IGBP1: variants seen among roughly 807,000 people sequenced by gnomAD.
IGBP1 encodes the protein immunoglobulin binding protein 1, also known as immunoglobulin-binding protein 1.
In IGBP1, 2 loss-of-function variants were observed where a neutral mutation model predicts 25.9. The ratio of observed to expected loss-of-function variants is 0.08; its 90% confidence interval spans 0.03 to 0.24. The LOEUF (loss-of-function observed/expected upper bound fraction) is 0.24. IGBP1 is among the 10% of genes least tolerant of loss of function. The pLI is 1.00. For synonymous variants in IGBP1, 96 were observed against 93.4 expected (o/e 1.03, Z -0.16); for missense variants, 187 against 260.4 (o/e 0.72, Z 1.94).
intron 6 of IGBP1, 57 bp downstream of exon 6, chrX:70,150,379 T>A: frequency 1.4e-6 from 1 of 730,281 alleles, no homozygotes; most frequent in Non-Finnish European, 2.2e-6. Flanking sequence ...CCCTGGCAAT[T>A]AAGTTCTTAC....
chrX:70,156,703 G>A (rs922241224), intron 6 of IGBP1, among the ~76,000 whole-genome samples: 3 of 112,114 alleles, frequency 2.7e-5, no homozygotes, highest in African/African-American at 9.7e-5. Context: ...ACTTTGGGAG[G>A]CCGAGGCGGG....
intron 6 of IGBP1, 60 bp from the exon 7 acceptor site, chrX:70,165,773 G>A: frequency 9.4e-7 from 1 of 1,063,894 alleles, no homozygotes; most frequent in Non-Finnish European, 1.3e-6. Context: ...TGAGGCCCCT[G>A]ACGTTACTTA....
intron 4 of IGBP1, among the ~76,000 whole-genome samples, chrX:70,148,318 G>A (rs775612673): frequency 2.7e-5 from 3 of 111,775 alleles, no homozygotes; most frequent in South Asian, 7.5e-4. Context: ...CTAAAGCACC[G>A]TAGAAGTTCT....
Position 70,166,059 on chromosome X carries a change from T to G in IGBP1, c.*78T>G. On this transcript the variant is annotated 3_prime_UTR_variant, in exon 7 of 7. Coordinates refer to ENST00000356413, the MANE Select transcript of IGBP1 (RefSeq NM_001551.3). ...AACCATGCAGTCCTCCCCTCCCTGG[T>G]CTCCTGCTTCAGCTCTGTACAACGA... The G allele has an allele frequency of 9.9e-7, 1 of 1,012,796 alleles. No individual in the cohort carries two copies. Among genetic ancestry groups the G allele is most frequent in the Non-Finnish European group, 1.4e-6 (1 of 725,642 alleles). The allele number at this position is 1,012,796 out of a possible 1,213,427, so 83.5% of individuals were successfully genotyped here.
At chrX:70,141,290 T>C (rs758178623) in intron 3 of IGBP1, among the ~76,000 whole-genome samples, 6 of 108,754 alleles carry the variant, frequency 5.5e-5, no homozygotes, top group African/African-American at 2.0e-4. Context: ...GAGGTTGCCA[T>C]GAGCCAAGAT....
intron 3 of IGBP1, among the ~76,000 whole-genome samples, chrX:70,142,428 C>G (rs182730098): frequency 9.0e-6 from 1 of 111,469 alleles, no homozygotes; most frequent in Non-Finnish European, 1.9e-5. Flanking sequence ...GAGTGAAAAA[C>G]TAGCTGCTAA....
intron 5 of IGBP1, among the ~76,000 whole-genome samples, chrX:70,149,195 T>C (rs766947269): frequency 3.9e-5 from 4 of 101,569 alleles, no homozygotes; most frequent in African/African-American, 7.4e-5. Context: ...GCCATTGCAC[T>C]CCAGCCTGGG....
At chrX:70,155,946 C>CT (rs2085237768) in intron 6 of IGBP1, among the ~76,000 whole-genome samples, 1 of 111,903 alleles carries the variant, frequency 8.9e-6, no homozygotes, top group Admixed American at 9.5e-5. Flanking sequence ...TTACAGGCTA[C>CT]TGTAGGGTTA....
At chrX:70,158,040 T>C (rs2085251361) in intron 6 of IGBP1, among the ~76,000 whole-genome samples, 1 of 112,361 alleles carries the variant, frequency 8.9e-6, no homozygotes, top group Admixed American at 9.5e-5. Flanking sequence ...CCAGCAGTTA[T>C]TGGCATCTGT....
Position 70,136,453 on chromosome X carries a change from G to A in IGBP1, c.482+1637G>A, listed in dbSNP as rs1287049095. Among the ~76,000 whole-genome samples the A allele has an allele frequency of 9.9e-5, 11 of 111,332 alleles. No individual in the cohort carries two copies. In the East Asian group the frequency reaches 1.4e-3, roughly 14 times the overall value. On this transcript the variant is annotated intron_variant, in intron 3 of 6. Coordinates refer to ENST00000356413, the MANE Select transcript of IGBP1 (RefSeq NM_001551.3). ...ATGTTCAATAAGGTGTATTAAATGC[G>A]TTTTCAACTTACCATATTTTCCATT...
chrX:70,158,480 T>A (rs900554734), intron 6 of IGBP1, among the ~76,000 whole-genome samples: 3 of 111,799 alleles, frequency 2.7e-5, no homozygotes, highest in African/African-American at 9.8e-5. Context: ...TGAACCATGC[T>A]TCTTTCTACA....
chrX:70,139,172 T>C (rs1175338129), intron 3 of IGBP1, among the ~76,000 whole-genome samples: 1 of 110,216 alleles, frequency 9.1e-6, no homozygotes, highest in African/African-American at 3.3e-5. Flanking sequence ...TAGCCAGGCA[T>C]GGTGGCGGGT....
At chrX:70,135,186 G>C (rs899895624) in intron 3 of IGBP1, among the ~76,000 whole-genome samples, 1 of 112,380 alleles carries the variant, frequency 8.9e-6, no homozygotes, top group Non-Finnish European at 1.9e-5. Context: ...GCTCTGTTCA[G>C]ACTACTGGAG....
intron 6 of IGBP1, among the ~76,000 whole-genome samples, chrX:70,156,287 T>TA (rs202174045): frequency 0.058 from 4,319 of 74,117 alleles, 142 homozygotes; most frequent in African/African-American, 0.098. Context: ...TTCAATTTGT[T>TA]AAAAAAAAAA....
chrX:70,151,053 C>T (rs751994405), intron 6 of IGBP1, among the ~76,000 whole-genome samples: 8 of 110,541 alleles, frequency 7.2e-5, no homozygotes, highest in Non-Finnish European at 1.3e-4. Flanking sequence ...CTATGCCTCC[C>T]GGGTTCAAGC....
intron 3 of IGBP1, among the ~76,000 whole-genome samples, chrX:70,135,501 G>A (rs1031869070): frequency 2.1e-4 from 23 of 111,478 alleles, no homozygotes; most frequent in African/African-American, 7.5e-4. Context: ...TACTATGAGA[G>A]CAGACAGGAA....
intron 3 of IGBP1, among the ~76,000 whole-genome samples, chrX:70,135,196 G>A (rs1028791844): frequency 3.6e-5 from 4 of 112,345 alleles, no homozygotes; most frequent in African/African-American, 9.7e-5. Context: ...GACTACTGGA[G>A]TAGATGTGTA....
rs181459346 is a variant in IGBP1 at position 70,135,279 on chromosome X, T to G, written c.482+463T>G. Among the ~76,000 whole-genome samples, 3 of 111,544 alleles carry G rather than the reference T, an allele frequency of 2.7e-5. No individual in the cohort carries two copies. The East Asian group carries it at 8.5e-4, about 31-fold the overall frequency. ...TGGAAAAGTTGCTTACTTTCTTAGG[T>G]TTTTTTTGTTGTTGTTGTTTGTTTT... is the stretch of plus-strand genomic sequence containing the variant. On this transcript the variant is annotated intron_variant, in intron 3 of 6. Coordinates refer to ENST00000356413, the MANE Select transcript of IGBP1 (RefSeq NM_001551.3).
intron 3 of IGBP1, among the ~76,000 whole-genome samples, chrX:70,146,391 G>A (rs1602666998): frequency 9.1e-6 from 1 of 110,055 alleles, no homozygotes; most frequent in African/African-American, 3.3e-5. Flanking sequence ...GCTGAGATCC[G>A]GTTACTTCTG....
Sources: gnomAD v4.1 joint callset for allele counts (sites outside exome capture counted in the v4.1 genomes callset) on GRCh38, gnomAD v4.1.1 for gene constraint, MANE v1.5 for transcripts, NCBI Gene and HGNC (gene_info 2026-07-23, HGNC 2026-07-21) for gene names.